The following BABAM2 variants were observed in gnomAD, a reference collection of about 807,000 sequenced individuals.
BABAM2 encodes BRISC and BRCA1 A complex member 2.
In BABAM2, 31 loss-of-function variants were observed where a neutral mutation model predicts 54.7. That is an observed-to-expected ratio of 0.57 (90% CI 0.43 to 0.77). The LOEUF (loss-of-function observed/expected upper bound fraction) is 0.77. BABAM2 is among the 30% of genes least tolerant of loss of function. The pLI, the probability that BABAM2 is intolerant of heterozygous loss-of-function variation, is 0.00. For missense variants in BABAM2, 364 were observed against 455.8 expected (o/e 0.80, Z 1.83); for synonymous variants, 167 against 162.9 (o/e 1.03, Z -0.19).
At chr2:27,942,740 A>T (rs1029027368) in intron 3 of BABAM2, among the ~76,000 whole-genome samples, 1 of 151,950 alleles carries the variant, frequency 6.6e-6, no homozygotes, top group African/African-American at 2.4e-5. Context: ...TAAGTGAAAT[A>T]TTGTTGGCAG....
chr2:28,074,370 C>G (rs1664461816), intron 6 of BABAM2, among the ~76,000 whole-genome samples: 1 of 152,064 alleles, frequency 6.6e-6, no homozygotes, highest in Admixed American at 6.5e-5. Context: ...CCTCCTGCCC[C>G]CAAGTTGTGA....
intron 3 of BABAM2, among the ~76,000 whole-genome samples, chr2:27,943,163 TG>T (rs1669056004): frequency 6.6e-6 from 1 of 152,230 alleles, no homozygotes; most frequent in Non-Finnish European, 1.5e-5. Context: ...TTGGCATTTT[TG>T]TTGGGATGAC....
intron 4 of BABAM2, among the ~76,000 whole-genome samples, chr2:28,000,264 C>T (rs1432046579): frequency 6.6e-6 from 1 of 152,004 alleles, no homozygotes; most frequent in Non-Finnish European, 1.5e-5. Context: ...GTTTGGGTTC[C>T]TTTTGTGACA....
At chr2:28,288,329 CTTTT>C (rs370784439) in intron 10 of BABAM2, among the ~76,000 whole-genome samples, 1 of 134,236 alleles carries the variant, frequency 7.4e-6, no homozygotes. Flanking sequence ...CTTTTCTTTT[CTTTT>C]TTTTTTTTTT....
chr2:28,326,685 A>G (rs1480626936), intron 11 of BABAM2, among the ~76,000 whole-genome samples: 4 of 152,224 alleles, frequency 2.6e-5, no homozygotes, highest in African/African-American at 9.6e-5. Context: ...CCCCCTGGGC[A>G]GGCAGGCATT....
At chr2:28,131,022 T>C (rs1669991121) in intron 7 of BABAM2, among the ~76,000 whole-genome samples, 2 of 151,642 alleles carry the variant, frequency 1.3e-5, no homozygotes, top group South Asian at 4.2e-4. Flanking sequence ...ATTACAGGCA[T>C]GAGCCACAGT....
intron 6 of BABAM2, among the ~76,000 whole-genome samples, chr2:28,125,097 C>G (rs1669390221): frequency 6.6e-6 from 1 of 151,916 alleles, no homozygotes; most frequent in South Asian, 2.1e-4. Flanking sequence ...ATGTAGATGA[C>G]CAGTAAATAA....
chr2:28,276,582 A>G (rs1685901574), intron 10 of BABAM2, among the ~76,000 whole-genome samples: 1 of 152,116 alleles, frequency 6.6e-6, no homozygotes, highest in African/African-American at 2.4e-5. Context: ...CACAGTGCCC[A>G]CCTTCTTCGT....
At chr2:28,215,929 C>A (rs1679880106) in intron 7 of BABAM2, among the ~76,000 whole-genome samples, 1 of 152,156 alleles carries the variant, frequency 6.6e-6, no homozygotes, top group South Asian at 2.1e-4. Context: ...GTTTTACTCT[C>A]CTGTTTCTGA....
rs919745652 is a variant in BABAM2, at chr2:28,322,891, T to C, written c.1089-15559T>C. On this transcript the variant is annotated intron_variant, in intron 11 of 11. Transcript: ENST00000379624. This position sits in a 1 kb window ranked among gnomAD's most constrained non-coding sequence, Gnocchi z 4.1. ...CTTGTATAAATGTAAATTATCATTATTGTCATTAAAGGGGCTAGACGTCTG... is the reference window on the plus strand; with the variant it reads ...CTTGTATAAATGTAAATTATCATTACTGTCATTAAAGGGGCTAGACGTCTG... 1.3e-5 allele frequency among the ~76,000 whole-genome samples: 2 copies of C among 152,242 alleles called. No homozygotes were observed. The highest frequency in any genetic ancestry group is 2.9e-5 in the Non-Finnish European group (2 of 68,044).
chr2:27,900,290 G>A (rs1303607331), intron 2 of BABAM2, among the ~76,000 whole-genome samples: 2 of 151,908 alleles, frequency 1.3e-5, no homozygotes, highest in Non-Finnish European at 2.9e-5. Flanking sequence ...TGGCCTTGAA[G>A]AGATAAGGTC....
At chr2:28,094,922 TTC>T (rs953770795) in intron 6 of BABAM2, among the ~76,000 whole-genome samples, 1 of 151,786 alleles carries the variant, frequency 6.6e-6, no homozygotes, top group African/African-American at 2.4e-5. Flanking sequence ...TTTTTTTTTT[TTC>T]ACAATGCCTA....
chr2:28,328,109 G>C (rs1045173874), intron 11 of BABAM2, among the ~76,000 whole-genome samples: 9 of 152,142 alleles, frequency 5.9e-5, no homozygotes, highest in Non-Finnish European at 1.3e-4. Flanking sequence ...ACAGAAGCAG[G>C]TCTCTTTGTA....
At chr2:28,089,564 A>G (rs1665981527) in intron 6 of BABAM2, among the ~76,000 whole-genome samples, 1 of 152,224 alleles carries the variant, frequency 6.6e-6, no homozygotes, top group African/African-American at 2.4e-5. Flanking sequence ...TGAAGTTATG[A>G]TAACCTGACA....
At chr2:28,248,207 C>CTTTTTTT (rs780563394) in intron 10 of BABAM2, among the ~76,000 whole-genome samples, 14 of 54,294 alleles carry the variant, frequency 2.6e-4, no homozygotes, top group Non-Finnish European at 3.3e-4. Context: ...TTTTCTTTTT[C>CTTTTTTT]TTTTTTTTTT....
chr2:28,176,439 G>A (rs572385127), intron 7 of BABAM2, among the ~76,000 whole-genome samples: 7 of 150,800 alleles, frequency 4.6e-5, no homozygotes, highest in African/African-American at 1.7e-4. Context: ...GCATGGTGGC[G>A]CACACCTGTA....
intron 10 of BABAM2, among the ~76,000 whole-genome samples, chr2:28,248,207 C>CTTTTTT (rs780563394): frequency 7.4e-5 from 4 of 54,302 alleles, no homozygotes; most frequent in African/African-American, 2.0e-4. Context: ...TTTTCTTTTT[C>CTTTTTT]TTTTTTTTTT....
At chr2:28,118,353 C>T (rs1668781374) in intron 6 of BABAM2, among the ~76,000 whole-genome samples, 1 of 152,158 alleles carries the variant, frequency 6.6e-6, no homozygotes, top group Non-Finnish European at 1.5e-5. Context: ...TAAAGCGTTC[C>T]TGTTTCTCCA....
At chr2:28,058,720 AAC>A (rs1406703681) in intron 6 of BABAM2, among the ~76,000 whole-genome samples, 1 of 152,140 alleles carries the variant, frequency 6.6e-6, no homozygotes, top group Non-Finnish European at 1.5e-5. Context: ...TGATGAAACA[AAC>A]ACAGCATTGA....
Sources: allele counts gnomAD v4.1 joint callset (sites outside exome capture counted in the v4.1 genomes callset), GRCh38; gene constraint gnomAD v4.1.1; non-coding constraint Gnocchi (gnomAD v3.1); transcripts MANE v1.5; gene names NCBI Gene and HGNC (gene_info 2026-07-23, HGNC 2026-07-21).